ATP8A2: variants seen among roughly 807,000 people sequenced by gnomAD.
ATP8A2 encodes the protein ATPase phospholipid transporting 8A2, also known as phospholipid-transporting ATPase IB.
A neutral mutation model predicts 165.6 loss-of-function variants in ATP8A2; 100 were observed. The ratio of observed to expected loss-of-function variants is 0.60; its 90% CI spans 0.51 to 0.71. ATP8A2 has a LOEUF of 0.71. Among genes scored for constraint, ATP8A2 ranks in the 30% least tolerant of loss-of-function variants. The probability of loss-of-function intolerance (pLI) is 0.00; values close to 1 mark genes in which losing one functional copy is unlikely to be tolerated. For synonymous variants in ATP8A2, 543 were observed against 548.8 expected, an observed-to-expected ratio of 0.99 and a Z score of 0.15; for missense variants, 1,227 against 1,479.5, an observed-to-expected ratio of 0.83 and a Z score of 2.80.
At position 25,465,198 on chromosome 13, in the gene ATP8A2, T is replaced by C. The variant is rs536366812; in HGVS notation, c.77-3779T>C. ...TAGTCATAATGTGCTTTGCTGTAGATGGTGTAATGTTTCCTTAGGCAATAT... is the reference window on the plus strand; with the variant it reads ...TAGTCATAATGTGCTTTGCTGTAGACGGTGTAATGTTTCCTTAGGCAATAT... On this transcript the variant is annotated intron_variant, in intron 1 of 36. Coordinates refer to ENST00000381655, the MANE Select transcript of ATP8A2 (RefSeq NM_016529.6). Among the ~76,000 whole-genome samples, 6 of 152,362 alleles carry C rather than the reference T, an allele frequency of 3.9e-5. No homozygotes were observed. The South Asian group carries it at 1.2e-3, about 32-fold the overall frequency.
Position 25,952,282 on chromosome 13 carries a change from T to C in ATP8A2, c.3184-9293T>C, listed in dbSNP as rs139044910. 1.5e-3 allele frequency among the ~76,000 whole-genome samples: 223 copies of C among 152,220 alleles called. 2 individuals carry two copies. The highest frequency in any genetic ancestry group is 4.9e-3 in the African/African-American group (203 of 41,508). Reference sequence around the variant, plus strand: ...AGTGGGCATGAATGATTTCGGGAAATGAAGAACTAGATTTCAGCCTGGAAT... The same window carrying C: ...AGTGGGCATGAATGATTTCGGGAAACGAAGAACTAGATTTCAGCCTGGAAT... On this transcript the variant is annotated intron_variant, in intron 33 of 36. Coordinates refer to ENST00000381655, the MANE Select transcript of ATP8A2 (RefSeq NM_016529.6).
chr13:25,803,906 G>A (rs1168864319), intron 27 of ATP8A2, among the ~76,000 whole-genome samples: 1 of 152,154 alleles, frequency 6.6e-6, no homozygotes, highest in Non-Finnish European at 1.5e-5. Flanking sequence ...TTTCTAAAAC[G>A]CCATCTCTGG....
At chr13:25,492,348 G>A (rs1252263917) in intron 2 of ATP8A2, among the ~76,000 whole-genome samples, 1 of 152,204 alleles carries the variant, frequency 6.6e-6, no homozygotes, top group East Asian at 1.9e-4. Flanking sequence ...GAGTCACCAT[G>A]CCTGGCCTAG....
chr13:25,984,236 C>CA (rs34808241), intron 35 of ATP8A2, among the ~76,000 whole-genome samples: 21,810 of 144,722 alleles, frequency 0.15, 2,429 homozygotes, highest in East Asian at 0.53. Flanking sequence ...GAAACCGTCT[C>CA]AAAAAAAAAA....
chr13:25,945,278 C>G (rs893762226), intron 33 of ATP8A2, among the ~76,000 whole-genome samples: 1 of 132,406 alleles, frequency 7.6e-6, no homozygotes, highest in Non-Finnish European at 1.6e-5. Context: ...CTGTCAAATG[C>G]GTGGCTACTT....
At chr13:25,633,412 T>G (rs1265655454) in intron 24 of ATP8A2, among the ~76,000 whole-genome samples, 1 of 152,170 alleles carries the variant, frequency 6.6e-6, no homozygotes, top group East Asian at 1.9e-4. Flanking sequence ...CTTTTCAGCC[T>G]TACCTTCCTT....
chr13:25,812,868 G>C (rs943804474), intron 27 of ATP8A2, among the ~76,000 whole-genome samples: 26 of 152,188 alleles, frequency 1.7e-4, no homozygotes, highest in Non-Finnish European at 3.1e-4. Context: ...AGAAAATGTG[G>C]TACATATACA....
At chr13:25,494,466 A>G (rs2036614816) in intron 2 of ATP8A2, among the ~76,000 whole-genome samples, 1 of 152,148 alleles carries the variant, frequency 6.6e-6, no homozygotes, top group Non-Finnish European at 1.5e-5. Context: ...CATGCTGCAA[A>G]GGGTATGAAA....
chr13:25,450,613 G>T (rs542534366), intron 1 of ATP8A2, among the ~76,000 whole-genome samples: 25 of 151,790 alleles, frequency 1.6e-4, no homozygotes, highest in Non-Finnish European at 3.7e-4. Context: ...CTCACTGCAA[G>T]CTCCGCCTCC....
chr13:25,837,911 G>C (rs377584534), intron 29 of ATP8A2, among the ~76,000 whole-genome samples: 22 of 152,322 alleles, frequency 1.4e-4, no homozygotes, highest in Middle Eastern at 3.4e-3. Flanking sequence ...TAAAGGGGTC[G>C]TGCAGTCTCA....
At chr13:25,781,548 G>A (rs1179684460) in intron 27 of ATP8A2, among the ~76,000 whole-genome samples, 7 of 152,026 alleles carry the variant, frequency 4.6e-5, no homozygotes, top group African/African-American at 1.4e-4. Flanking sequence ...GAATGCAGTA[G>A]TGCAGTGTTG....
At chr13:25,545,147 G>C (rs1220485324) in intron 10 of ATP8A2, among the ~76,000 whole-genome samples, 1 of 151,942 alleles carries the variant, frequency 6.6e-6, no homozygotes, top group East Asian at 1.9e-4. Flanking sequence ...TGGAAGGGTA[G>C]GGGCCCAGGT....
intron 24 of ATP8A2, among the ~76,000 whole-genome samples, chr13:25,689,482 A>T (rs1454994024): frequency 1.3e-5 from 2 of 152,134 alleles, no homozygotes; most frequent in Admixed American, 6.6e-5. Context: ...TTCATTTGTA[A>T]ATGTAATCTC....
intron 25 of ATP8A2, among the ~76,000 whole-genome samples, chr13:25,716,458 C>A (rs908852999): frequency 6.6e-6 from 1 of 152,146 alleles, no homozygotes; most frequent in Non-Finnish European, 1.5e-5. Flanking sequence ...TTGGCTCTTA[C>A]CTGTAGTCTT....
At chr13:25,674,994 C>T (rs1267461337) in intron 24 of ATP8A2, among the ~76,000 whole-genome samples, 1 of 152,170 alleles carries the variant, frequency 6.6e-6, no homozygotes, top group African/African-American at 2.4e-5. Context: ...CCCTTTACTT[C>T]TTTCTGTTGT....
chr13:25,408,934 A>G (rs1388833818), intron 1 of ATP8A2, among the ~76,000 whole-genome samples: 2 of 152,268 alleles, frequency 1.3e-5, no homozygotes, highest in East Asian at 3.8e-4. Flanking sequence ...AATTATAATA[A>G]TAGTTAGAGA....
At chr13:25,826,473 T>A (rs1951315659) in intron 27 of ATP8A2, among the ~76,000 whole-genome samples, 1 of 152,218 alleles carries the variant, frequency 6.6e-6, no homozygotes, top group East Asian at 1.9e-4. Context: ...TCATACTGGA[T>A]ACAGTAGTGC....
intron 1 of ATP8A2, among the ~76,000 whole-genome samples, chr13:25,447,807 T>C (rs1352072730): frequency 6.6e-6 from 1 of 152,092 alleles, no homozygotes; most frequent in Non-Finnish European, 1.5e-5. Context: ...TACTGAGCAG[T>C]GGAAGTGGCT....
intron 25 of ATP8A2, among the ~76,000 whole-genome samples, chr13:25,731,903 C>T (rs1263675516): frequency 6.6e-6 from 1 of 152,168 alleles, no homozygotes; most frequent in Non-Finnish European, 1.5e-5. Context: ...AGCTTAAGCT[C>T]TGAAAATGGA....
Sources: allele counts gnomAD v4.1 joint callset (sites outside exome capture counted in the v4.1 genomes callset), GRCh38; gene constraint gnomAD v4.1.1; transcripts MANE v1.5; gene names NCBI Gene and HGNC (gene_info 2026-07-23, HGNC 2026-07-21).